The following ZFPM2 variants were observed in gnomAD, a reference collection of about 807,000 sequenced individuals.
The protein encoded by ZFPM2 is zinc finger protein, FOG family member 2, also known as zinc finger protein ZFPM2.
ZFPM2 carries 20 observed loss-of-function variants against 98.6 expected under a neutral mutation model. That is an observed-to-expected ratio of 0.20 (90% CI 0.14 to 0.29). The LOEUF (loss-of-function observed/expected upper bound fraction) is 0.29. Ranked by LOEUF, ZFPM2 falls within the 10% of genes least tolerant of loss-of-function variation. The pLI is 1.00. For missense variants in ZFPM2, 1,310 were observed against 1,388.6 expected (o/e 0.94, Z 0.90); for synonymous variants, 518 against 502.7 (o/e 1.03, Z -0.41).
At chr8:105,483,463 G>A (rs1189490803) in intron 3 of ZFPM2, among the ~76,000 whole-genome samples, 7 of 151,534 alleles carry the variant, frequency 4.6e-5, no homozygotes, top group East Asian at 2.0e-4. Context: ...GGTGGCAGGC[G>A]CCTGTAATCC....
intron 5 of ZFPM2, chr8:105,670,145 A>G (rs1405764290): frequency 2.0e-5 from 3 of 152,188 alleles, no homozygotes; most frequent in Non-Finnish European, 4.4e-5. Context: ...TAACTGCAAC[A>G]TATATAGATT....
intron 5 of ZFPM2, among the ~76,000 whole-genome samples, chr8:105,635,429 G>C (rs1225892363): frequency 6.6e-6 from 1 of 150,628 alleles, no homozygotes; most frequent in Non-Finnish European, 1.5e-5. Context: ...TTTGAAAGTT[G>C]AAACACCAGA....
intron 5 of ZFPM2, among the ~76,000 whole-genome samples, chr8:105,762,881 A>G (rs1340915284): frequency 6.6e-6 from 1 of 151,900 alleles, no homozygotes; most frequent in African/African-American, 2.4e-5. Context: ...AGTTGAGTAG[A>G]TCTTTATTGG....
At chr8:105,548,349 A>C (rs1282543370) in intron 3 of ZFPM2, among the ~76,000 whole-genome samples, 1 of 152,190 alleles carries the variant, frequency 6.6e-6, no homozygotes, top group African/African-American at 2.4e-5. Context: ...AATTTAAGTT[A>C]AAAGCAATTT....
At chr8:105,408,042 C>T (rs1811497016) in intron 1 of ZFPM2, among the ~76,000 whole-genome samples, 1 of 151,756 alleles carries the variant, frequency 6.6e-6, no homozygotes, top group Non-Finnish European at 1.5e-5. Context: ...TGTAAAGATG[C>T]TTGCTTTTAT....
intron 3 of ZFPM2, among the ~76,000 whole-genome samples, chr8:105,509,097 G>C (rs1476318672): frequency 6.6e-6 from 1 of 152,174 alleles, no homozygotes; most frequent in Non-Finnish European, 1.5e-5. Context: ...ACAATTGATA[G>C]GAGATTTTAC....
At chr8:105,600,367 G>C (rs1338032009) in intron 4 of ZFPM2, among the ~76,000 whole-genome samples, 1 of 152,018 alleles carries the variant, frequency 6.6e-6, no homozygotes, top group African/African-American at 2.4e-5. Context: ...TATAAACCAA[G>C]AGAAAGATTA....
In ZFPM2 at chr8:105,716,018, A is replaced by G. The variant is rs557698006; in HGVS notation, c.533-72700A>G. 1.7e-3 allele frequency among the ~76,000 whole-genome samples: 253 copies of G among 152,116 alleles called. 6 individuals are homozygous for G. In the South Asian group the frequency reaches 0.051, roughly 31 times the overall value. On this transcript the variant is annotated intron_variant, in intron 5 of 7. Coordinates refer to ENST00000407775, the MANE Select transcript of ZFPM2 (RefSeq NM_012082.4). ...GCCATAATCTGAAATAAAGTGCCAC[A>G]TTGAAGGACAGATACCAGAGAAAAG...
chr8:105,694,277 C>T (rs564597776), intron 5 of ZFPM2, among the ~76,000 whole-genome samples: 191 of 152,078 alleles, frequency 1.3e-3, no homozygotes, highest in Non-Finnish European at 2.2e-3. Context: ...TGAGCCACCG[C>T]GCCCAGCCTC....
At chr8:105,360,214 A>T (rs1812830239) in intron 1 of ZFPM2, among the ~76,000 whole-genome samples, 1 of 152,186 alleles carries the variant, frequency 6.6e-6, no homozygotes, top group Admixed American at 6.5e-5. Flanking sequence ...ACATATTTAG[A>T]TAGATGCTAA....
chr8:105,699,048 A>T (rs917946319), intron 5 of ZFPM2, among the ~76,000 whole-genome samples: 4 of 152,192 alleles, frequency 2.6e-5, no homozygotes, highest in Admixed American at 1.3e-4. Flanking sequence ...TTTAAAAAAG[A>T]TCTGCAGTTT....
At chr8:105,375,822 G>T (rs1454484633) in intron 1 of ZFPM2, among the ~76,000 whole-genome samples, 1 of 152,048 alleles carries the variant, frequency 6.6e-6, no homozygotes, top group South Asian at 2.1e-4. Flanking sequence ...TCTACTTCTT[G>T]TCCAAGGGTT....
chr8:105,486,942 T>A (rs1467720737), intron 3 of ZFPM2, among the ~76,000 whole-genome samples: 2 of 152,188 alleles, frequency 1.3e-5, no homozygotes, highest in African/African-American at 2.4e-5. Flanking sequence ...TTTAAATGTG[T>A]ACGCTTTTGA....
At chr8:105,373,166 G>T (rs993232937) in intron 1 of ZFPM2, among the ~76,000 whole-genome samples, 1 of 152,106 alleles carries the variant, frequency 6.6e-6, no homozygotes, top group African/African-American at 2.4e-5. Context: ...ATCGTGATTG[G>T]CGTTTTTCTT....
chr8:105,458,763 C>A (rs1179535049), intron 3 of ZFPM2, among the ~76,000 whole-genome samples: 1 of 152,000 alleles, frequency 6.6e-6, no homozygotes, highest in East Asian at 1.9e-4. Context: ...AAAAGAGAAG[C>A]ATTTTCCATC....
At chr8:105,609,961 C>T (rs992079975) in intron 4 of ZFPM2, among the ~76,000 whole-genome samples, 15 of 152,236 alleles carry the variant, frequency 9.9e-5, no homozygotes, top group African/African-American at 3.4e-4. Flanking sequence ...GAGGCAGCCA[C>T]CCCACTCAGC....
At chr8:105,603,728 T>C (rs1816140507) in intron 4 of ZFPM2, among the ~76,000 whole-genome samples, 1 of 152,080 alleles carries the variant, frequency 6.6e-6, no homozygotes, top group Non-Finnish European at 1.5e-5. Flanking sequence ...CCTCTCTCAA[T>C]TTCAGGTTCT....
chr8:105,533,958 C>T (rs1178967496), intron 3 of ZFPM2, among the ~76,000 whole-genome samples: 6 of 8,058 alleles, frequency 7.4e-4, no homozygotes, highest in South Asian at 0.01. Context: ...TTTCCTTCCT[C>T]CCTCCCTCCC....
chr8:105,494,976 C>A (rs907671906), intron 3 of ZFPM2, among the ~76,000 whole-genome samples: 2 of 152,156 alleles, frequency 1.3e-5, no homozygotes, highest in Non-Finnish European at 2.9e-5. Context: ...ATAATATTCA[C>A]ATATCATGAA....
Sources: gnomAD v4.1 joint callset for allele counts (sites outside exome capture counted in the v4.1 genomes callset) on GRCh38, gnomAD v4.1.1 for gene constraint, MANE v1.5 for transcripts, NCBI Gene and HGNC (gene_info 2026-07-23, HGNC 2026-07-21) for gene names.